GAB1: variants seen among roughly 807,000 people sequenced by gnomAD.
GAB1 encodes GRB2-associated-binding protein 1.
Under a neutral mutation model 66.5 loss-of-function variants are expected in GAB1, and 19 were observed. The ratio of observed to expected loss-of-function variants is 0.29; its 90% CI spans 0.20 to 0.42. GAB1 has a LOEUF of 0.42. Ranked by LOEUF, GAB1 falls within the 10% of genes least tolerant of loss-of-function variation. The pLI, the probability that GAB1 is intolerant of heterozygous loss-of-function variation, is 1.00. For synonymous variants in GAB1, 294 were observed against 301.4 expected (o/e 0.98, Z 0.25); for missense variants, 732 against 858.5 (o/e 0.85, Z 1.84).
chr4:143,346,382 T>A (rs1177410215), intron 1 of GAB1, among the ~76,000 whole-genome samples: 1 of 152,224 alleles, frequency 6.6e-6, no homozygotes, highest in African/African-American at 2.4e-5. Context: ...CTGAGATGAC[T>A]ACCTGATGAA....
intron 9 of GAB1, among the ~76,000 whole-genome samples, chr4:143,466,480 CTTTTTTTTTT>C (rs776557170): frequency 1.5e-4 from 10 of 67,264 alleles, no homozygotes; most frequent in African/African-American, 5.9e-4. Flanking sequence ...TTAACAAATT[CTTTTTTTTTT>C]TTTTTTTTTT....
chr4:143,374,460 A>G (rs1232130976), intron 1 of GAB1, among the ~76,000 whole-genome samples: 1 of 152,216 alleles, frequency 6.6e-6, no homozygotes, highest in Non-Finnish European at 1.5e-5. Context: ...TGGGAATCTT[A>G]TACTTTAGAT....
intron 1 of GAB1, among the ~76,000 whole-genome samples, chr4:143,394,147 G>A (rs1351661790): frequency 6.6e-6 from 1 of 152,144 alleles, no homozygotes; most frequent in South Asian, 2.1e-4. Context: ...GGTGGCACGT[G>A]CCTGTAGTCC....
At chr4:143,408,013 A>G (rs28925887) in intron 1 of GAB1, among the ~76,000 whole-genome samples, 7,465 of 152,242 alleles carry the variant, frequency 0.049, 199 homozygotes, top group African/African-American at 0.053. Flanking sequence ...AGAAAAATAA[A>G]TTTATTCCTC....
chr4:143,425,409 T>C (rs1733286465), intron 2 of GAB1: 1 of 759,326 alleles, frequency 1.3e-6, no homozygotes, highest in Non-Finnish European at 2.4e-6. Context: ...TGGCTTCTTG[T>C]GGTTACTGAC....
intron 1 of GAB1, among the ~76,000 whole-genome samples, chr4:143,389,762 G>A (rs1731096171): frequency 6.6e-6 from 1 of 152,196 alleles, no homozygotes; most frequent in East Asian, 1.9e-4. Context: ...TTTGTTGAAT[G>A]ACTAAATAAG....
intron 1 of GAB1, among the ~76,000 whole-genome samples, chr4:143,351,566 C>A (rs966770678): frequency 6.6e-6 from 1 of 152,128 alleles, no homozygotes; most frequent in Admixed American, 6.5e-5. Context: ...GACCTTTCGG[C>A]GGCAAGGCTG....
chr4:143,440,054 T>C, intron 5 of GAB1, 25 bp from the exon 6 acceptor site: 1 of 1,586,312 alleles, frequency 6.3e-7, no homozygotes, highest in Non-Finnish European at 8.6e-7. Flanking sequence ...TTTTGTTTAT[T>C]AAAAGAAATA....
rs1728669390 is a variant in GAB1 at position 143,336,910 on chromosome 4, C to T, written c.-279C>T. On this transcript the variant is annotated 5_prime_UTR_variant, in exon 1 of 10. Transcript: ENST00000262994. ...CTGAGTCCGAGCGCTGCTGAGGCAG[C>T]TGGCGAGACGGCACGTCTGGAGGCG... 1 of 457,758 alleles carries T rather than the reference C, an allele frequency of 2.2e-6. No homozygotes were observed. The highest frequency in any genetic ancestry group is 4.0e-5 in the East Asian group (1 of 25,190). The allele number at this position is 457,758 out of a possible 1,614,324, so 28.4% of individuals were successfully genotyped here.
chr4:143,358,138 G>C (rs912044369), intron 1 of GAB1, among the ~76,000 whole-genome samples: 5 of 152,258 alleles, frequency 3.3e-5, no homozygotes, highest in African/African-American at 1.2e-4. Flanking sequence ...GTACGTGTGT[G>C]TATGCCTTAA....
chr4:143,370,272 G>C (rs1326772897), intron 1 of GAB1, among the ~76,000 whole-genome samples: 1 of 152,218 alleles, frequency 6.6e-6, no homozygotes, highest in Non-Finnish European at 1.5e-5. Flanking sequence ...CCTTATAGGA[G>C]CTGAGGTCTG....
intron 6 of GAB1, among the ~76,000 whole-genome samples, chr4:143,441,583 G>A (rs960226548): frequency 6.6e-6 from 1 of 152,176 alleles, no homozygotes; most frequent in Non-Finnish European, 1.5e-5. Flanking sequence ...CAACAAGGAG[G>A]TTATCAGGAA....
chr4:143,366,075 C>T (rs183721526), intron 1 of GAB1, among the ~76,000 whole-genome samples: 186 of 152,236 alleles, frequency 1.2e-3, no homozygotes, highest in African/African-American at 3.0e-3. Context: ...AGGAATCATA[C>T]GTGAATAAAA....
At chr4:143,349,902 A>G in intron 1 of GAB1, 2 of 1,548,498 alleles carry the variant, frequency 1.3e-6, no homozygotes, top group Admixed American at 1.9e-5. Flanking sequence ...TAATGGGCAG[A>G]GAGAAGAGAT....
intron 1 of GAB1, chr4:143,395,631 T>A: frequency 3.6e-6 from 1 of 277,314 alleles, no homozygotes; most frequent in Non-Finnish European, 7.1e-6. Flanking sequence ...GTTGTAACTC[T>A]CCCTAAAATG....
chr4:143,449,614 C>T (rs991863566), intron 6 of GAB1, among the ~76,000 whole-genome samples: 16 of 151,984 alleles, frequency 1.1e-4, no homozygotes, highest in Non-Finnish European at 1.8e-4. Flanking sequence ...GATTGCAACC[C>T]CTGCCTTTTT....
Position 143,437,998 on chromosome 4 carries a change from G to A in GAB1, c.594-1G>A. The A allele has an allele frequency of 1.9e-6, 3 of 1,607,290 alleles. No individual in the cohort carries two copies. The highest frequency in any genetic ancestry group is 2.6e-6 in the Non-Finnish European group (3 of 1,176,126). On this transcript the variant is annotated splice_acceptor_variant, in intron 3 of 9. Transcript: ENST00000262994. LOFTEE classifies it high-confidence loss of function. The stretch of plus-strand genomic sequence containing the variant: ...TTCTGTCATTAACAATTTTTATTTA[G>A]AACGCATGCTGATTCTGCAAAATCC...
At chr4:143,433,855 T>G in intron 3 of GAB1, 139 bp downstream of exon 3, 1 of 703,838 alleles carries the variant, frequency 1.4e-6, no homozygotes, top group Non-Finnish European at 2.4e-6. Context: ...TGTTTCAGGC[T>G]TTATATTTCA....
chr4:143,393,994 C>T (rs545060314), intron 1 of GAB1, among the ~76,000 whole-genome samples: 39 of 152,222 alleles, frequency 2.6e-4, no homozygotes, highest in African/African-American at 9.2e-4. Flanking sequence ...TAGTCAGCAG[C>T]TGGGCGCTGT....
Sources: gnomAD v4.1 joint callset for allele counts (sites outside exome capture counted in the v4.1 genomes callset) on GRCh38, gnomAD v4.1.1 for gene constraint, MANE v1.5 for transcripts, NCBI Gene and HGNC (gene_info 2026-07-23, HGNC 2026-07-21) for gene names.